The following LINGO2 variants were observed in gnomAD, a reference collection of about 807,000 sequenced individuals.
The protein encoded by LINGO2 is leucine-rich repeat and immunoglobulin-like domain-containing nogo receptor-interacting protein 2.
In LINGO2, 14 loss-of-function variants were observed where a neutral mutation model predicts 30.6. The observed-to-expected ratio is 0.46, with a 90% confidence interval of 0.30 to 0.72. The LOEUF is 0.72. LINGO2 is among the 30% of genes least tolerant of loss of function. The pLI, the probability that LINGO2 is intolerant of heterozygous loss-of-function variation, is 0.07. For synonymous variants in LINGO2, 317 were observed against 288.5 expected (o/e 1.10, Z -1.00); for missense variants, 729 against 751.7 (o/e 0.97, Z 0.35).
chr9:29,188,508 A>G, the LINGO2 span, among the ~76,000 whole-genome samples: 9 of 151,970 alleles, frequency 5.9e-5, no homozygotes, highest in African/African-American at 2.2e-4. Flanking sequence ...CCGATTTCTC[A>G]ATCTTTTCCC....
intron 4 of LINGO2, among the ~76,000 whole-genome samples, chr9:28,193,492 A>G (rs1002732761): frequency 4.6e-5 from 7 of 152,192 alleles, no homozygotes; most frequent in African/African-American, 1.7e-4. Context: ...TATCCTAACT[A>G]CATCAAGACT....
At chr9:28,966,847 T>C in the LINGO2 span, among the ~76,000 whole-genome samples, 1 of 151,830 alleles carries the variant, frequency 6.6e-6, no homozygotes, top group Non-Finnish European at 1.5e-5. Context: ...ATAAGTAGAG[T>C]ATATTGTTTT....
the LINGO2 span, chr9:27,942,530 A>G: frequency 6.6e-6 from 1 of 152,218 alleles, no homozygotes; most frequent in Non-Finnish European, 1.5e-5. Flanking sequence ...CAATTAACCA[A>G]TAGCTAAAGA....
At chr9:28,662,569 C>A (rs1167579076) in intron 1 of LINGO2, among the ~76,000 whole-genome samples, 1 of 152,002 alleles carries the variant, frequency 6.6e-6, no homozygotes, top group African/African-American at 2.4e-5. Context: ...TATTGTTGGC[C>A]TTTGTTGCTA....
At chr9:29,202,640 C>T in the LINGO2 span, among the ~76,000 whole-genome samples, 1 of 151,998 alleles carries the variant, frequency 6.6e-6, no homozygotes, top group African/African-American at 2.4e-5. Flanking sequence ...GATTATCATC[C>T]ATATTCTCAA....
At chr9:28,677,935 C>A in the LINGO2 span, among the ~76,000 whole-genome samples, 1 of 151,718 alleles carries the variant, frequency 6.6e-6, no homozygotes. Flanking sequence ...AGAAGCATCC[C>A]GAATCCATCT....
At chr9:28,202,344 C>A (rs1320809190) in intron 4 of LINGO2, among the ~76,000 whole-genome samples, 3 of 151,958 alleles carry the variant, frequency 2.0e-5, no homozygotes, top group African/African-American at 7.3e-5. Context: ...TAACAGACAC[C>A]ATTTGTAACA....
the LINGO2 span, among the ~76,000 whole-genome samples, chr9:29,187,641 G>A: frequency 6.6e-6 from 1 of 152,106 alleles, no homozygotes; most frequent in East Asian, 1.9e-4. Context: ...TGCTTAAGTG[G>A]GAAATACATC....
At chr9:29,045,002 T>G in the LINGO2 span, among the ~76,000 whole-genome samples, 1 of 152,170 alleles carries the variant, frequency 6.6e-6, no homozygotes, top group Non-Finnish European at 1.5e-5. Flanking sequence ...TGTACTATAT[T>G]CATCCTTCTT....
chr9:28,120,756 C>T (rs1827072522), intron 4 of LINGO2, among the ~76,000 whole-genome samples: 1 of 152,178 alleles, frequency 6.6e-6, no homozygotes, highest in Non-Finnish European at 1.5e-5. Flanking sequence ...AATTATCCTT[C>T]TGACAGTTCA....
intron 5 of LINGO2, among the ~76,000 whole-genome samples, chr9:27,959,890 T>C (rs1427909300): frequency 1.3e-5 from 2 of 152,200 alleles, no homozygotes; most frequent in East Asian, 3.8e-4. Context: ...ACTATGAATG[T>C]GAACTTGTCT....
At chr9:28,823,137 G>A in the LINGO2 span, among the ~76,000 whole-genome samples, 2 of 152,098 alleles carry the variant, frequency 1.3e-5, no homozygotes, top group African/African-American at 2.4e-5. Flanking sequence ...AGGTCCATTT[G>A]GCTCTATAAA....
At chr9:28,932,902 ATATTAT>A in the LINGO2 span, among the ~76,000 whole-genome samples, 36 of 149,796 alleles carry the variant, frequency 2.4e-4, no homozygotes, top group African/African-American at 8.6e-4. Context: ...TCTTTTTATT[ATATTAT>A]TATTATTATT....
chr9:28,110,501 C>T (rs1314645587), intron 4 of LINGO2, among the ~76,000 whole-genome samples: 2 of 152,142 alleles, frequency 1.3e-5, no homozygotes, highest in Non-Finnish European at 2.9e-5. Flanking sequence ...ACCCATCTGA[C>T]AAAGGTCTAA....
chr9:28,893,972 A>G, the LINGO2 span, among the ~76,000 whole-genome samples: 5 of 151,528 alleles, frequency 3.3e-5, no homozygotes, highest in African/African-American at 1.2e-4. Context: ...TCATTGTTCA[A>G]TTCCCATCTA....
intron 3 of LINGO2, among the ~76,000 whole-genome samples, chr9:28,330,046 T>C (rs1825366204): frequency 6.6e-6 from 1 of 152,148 alleles, no homozygotes; most frequent in South Asian, 2.1e-4. Context: ...GATGAGGTCT[T>C]TAAGTGGTAA....
intron 4 of LINGO2, among the ~76,000 whole-genome samples, chr9:28,264,167 T>C (rs1822664891): frequency 6.6e-6 from 1 of 151,984 alleles, no homozygotes; most frequent in African/African-American, 2.4e-5. Flanking sequence ...TTTACATAGA[T>C]GTCATTTATG....
At chr9:27,945,756 C>A (rs915578844), downstream of LINGO2, among the ~76,000 whole-genome samples, 1 of 152,142 alleles carries the variant, frequency 6.6e-6, no homozygotes, top group Middle Eastern at 3.4e-3. Flanking sequence ...ACTAAAGCAC[C>A]AGCGTTTCAC....
At chr9:28,975,045 G>A in the LINGO2 span, among the ~76,000 whole-genome samples, 1 of 152,052 alleles carries the variant, frequency 6.6e-6, no homozygotes, top group East Asian at 1.9e-4. Flanking sequence ...GCTATCAACT[G>A]AAAGGACAAT....
Sources: allele counts gnomAD v4.1 joint callset (sites outside exome capture counted in the v4.1 genomes callset), GRCh38; gene constraint gnomAD v4.1.1; transcripts MANE v1.5; gene names NCBI Gene and HGNC (gene_info 2026-07-23, HGNC 2026-07-21).